The following ACVRL1 variants were observed in gnomAD, a reference collection of about 807,000 sequenced individuals.
The protein encoded by ACVRL1 is activin A receptor like type 1, also known as activin receptor type-1-like.
ACVRL1 carries 20 observed loss-of-function variants against 51.9 expected under a neutral mutation model. The observed-to-expected ratio is 0.39, with a 90% confidence interval of 0.27 to 0.56. The LOEUF is 0.56. ACVRL1 is among the 20% of genes least tolerant of loss of function. The pLI is 0.67. For synonymous variants in ACVRL1, 288 were observed against 280.9 expected, an observed-to-expected ratio of 1.03 and a Z score of -0.25; for missense variants, 451 against 670.3, an observed-to-expected ratio of 0.67 and a Z score of 3.61.
At chr12:51,912,170 C>T (rs577166112) in intron 1 of ACVRL1, among the ~76,000 whole-genome samples, 1 of 152,320 alleles carries the variant, frequency 6.6e-6, no homozygotes, top group East Asian at 1.9e-4. Flanking sequence ...GCGGCTCTCC[C>T]AACCTGCCTG....
At chr12:51,913,055 G>T in intron 2 of ACVRL1, 44 bp from the exon 3 acceptor site, 1 of 1,588,402 alleles carries the variant, frequency 6.3e-7, no homozygotes. Context: ...CTCAGCCTGG[G>T]GGAGCTGGGA....
intron 9 of ACVRL1, among the ~76,000 whole-genome samples, chr12:51,920,456 C>T (rs145506508): frequency 1.3e-5 from 2 of 152,260 alleles, no homozygotes; most frequent in East Asian, 3.9e-4. Flanking sequence ...CTCTTTCTGT[C>T]CGCCCTGTCT....
At chr12:51,916,614 C>G (rs1317009818) in intron 8 of ACVRL1, among the ~76,000 whole-genome samples, 2 of 152,226 alleles carry the variant, frequency 1.3e-5, no homozygotes, top group Non-Finnish European at 2.9e-5. Context: ...AATCAGACTT[C>G]CTGGGTTCTA....
intron 1 of ACVRL1, among the ~76,000 whole-genome samples, chr12:51,908,983 T>C (rs559483971): frequency 1.3e-5 from 2 of 152,274 alleles, no homozygotes; most frequent in South Asian, 2.1e-4. Flanking sequence ...ATAAATCACA[T>C]GGATGAATCG....
At chr12:51,920,029 C>T (rs1940933353) in intron 9 of ACVRL1, among the ~76,000 whole-genome samples, 1 of 152,166 alleles carries the variant, frequency 6.6e-6, no homozygotes, top group Non-Finnish European at 1.5e-5. Context: ...CATAGACATA[C>T]ATTTCTGTAC....
At chr12:51,916,335 A>C in intron 8 of ACVRL1, 102 bp downstream of exon 8, 1 of 1,306,322 alleles carries the variant, frequency 7.7e-7, no homozygotes, top group Non-Finnish European at 1.1e-6. Flanking sequence ...GTTTGCAGTC[A>C]GACCTCCTGG....
rs888084865 is a variant in ACVRL1 at position 51,917,999 on chromosome 12, G to A, written c.1247-986G>A. On this transcript the variant is annotated intron_variant, in intron 8 of 9. Coordinates refer to ENST00000388922, the MANE Select transcript of ACVRL1 (RefSeq NM_000020.3). This position sits in a 1 kb window ranked among gnomAD's most constrained non-coding sequence, Gnocchi z 4.2. Reference sequence around the variant, plus strand: ...TTAGGGCGTGAGCGGCACAGGGGCCGGCCTGGAAGCTGGCCATGGGGAGAA... The same window carrying A: ...TTAGGGCGTGAGCGGCACAGGGGCCAGCCTGGAAGCTGGCCATGGGGAGAA... Among the ~76,000 whole-genome samples the A allele has an allele frequency of 5.9e-5, 9 of 152,358 alleles. No homozygotes were observed. The highest frequency in any genetic ancestry group is 3.4e-3 in the Middle Eastern group (1 of 294).
In ACVRL1 at chr12:51,921,349, A is replaced by G; in HGVS notation, c.*456A>G. 1 of 251,778 alleles carries G rather than the reference A, an allele frequency of 4.0e-6. No individual in the cohort carries two copies. The highest frequency in any genetic ancestry group is 7.9e-6 in the Non-Finnish European group (1 of 126,518). The allele number at this position is 251,778 out of a possible 1,614,324, so 15.6% of individuals were successfully genotyped here. A position where few individuals can be genotyped will look rare whatever the true frequency, so the allele number is the denominator to read the frequency against. On this transcript the variant is annotated 3_prime_UTR_variant, in exon 10 of 10. Coordinates refer to ENST00000388922, the MANE Select transcript of ACVRL1 (RefSeq NM_000020.3). ...GGCACACACTTCCCTGCCAGGCCTC[A>G]GCCTCTAGCATAAGCTCCAGAGAGC...
intron 8 of ACVRL1, among the ~76,000 whole-genome samples, chr12:51,916,702 G>A (rs1246266411): frequency 6.6e-6 from 1 of 152,228 alleles, no homozygotes; most frequent in African/African-American, 2.4e-5. Flanking sequence ...AAATGGGTGC[G>A]ATGGCTCATG....
At chr12:51,919,363 C>CTCTGTG in intron 9 of ACVRL1, 1 of 386,572 alleles carries the variant, frequency 2.6e-6, no homozygotes, top group Non-Finnish European at 4.9e-6. Context: ...ATCTGTGGCT[C>CTCTGTG]TGTGTGTGTG....
chr12:51,910,029 G>T (rs777844107), intron 1 of ACVRL1, among the ~76,000 whole-genome samples: 1 of 152,282 alleles, frequency 6.6e-6, no homozygotes, highest in East Asian at 1.9e-4. Context: ...AGGGTAAATC[G>T]TACAGAGTCA....
intron 1 of ACVRL1, among the ~76,000 whole-genome samples, chr12:51,910,612 T>C (rs1367463621): frequency 5.3e-5 from 8 of 152,126 alleles, no homozygotes. Flanking sequence ...TTAGCCACTT[T>C]TTCCTTTCCA....
chr12:51,912,314 C>T (rs1177846987), intron 1 of ACVRL1, 156 bp from the exon 2 acceptor site: 5 of 777,930 alleles, frequency 6.4e-6, no homozygotes, highest in Non-Finnish European at 1.1e-5. Context: ...CCCCTGCAGG[C>T]CCCGCCCCAA....
Position 51,913,203 on chromosome 12 carries a change from G to A in ACVRL1, c.166G>A (p.Val56Met). ...CRGAWCTVVL[V>M]REEGRHPQEH... ...GGGGGCCTGGTGCACAGTAGTGCTG[G>A]TGCGGGAGGAGGGGAGGCACCCCCA... The change falls in exon 3 of 10, where the codon GTG (valine) becomes ATG (methionine). Residue 56 changes from valine (V) to methionine (M), a missense_variant. Physicochemically the swap from Val to Met is conservative, Grantham distance 21. This residue lies in a region of ACVRL1 where 192 missense variants were observed against 216.9 expected (regional missense o/e 0.89). Transcript: ENST00000388922. 1 of 1,592,994 alleles carries A rather than the reference G, an allele frequency of 6.3e-7. No homozygotes were observed. Among genetic ancestry groups the A allele is most frequent in the Non-Finnish European group, 8.5e-7 (1 of 1,170,840 alleles).
At position 51,922,199 on chromosome 12, in the gene ACVRL1, GAA is replaced by G. The variant is rs1399572114; in HGVS notation, c.*1309_*1310del. 1 of 152,208 alleles carries G rather than the reference GAA, an allele frequency of 6.6e-6. No homozygotes were observed. Among genetic ancestry groups the G allele is most frequent in the African/African-American group, 2.4e-5 (1 of 41,436 alleles). 9.4% of individuals were successfully genotyped at this position (152,208 alleles called of 1,614,324 possible). ...GCAATTTGCCTCAAGATGGGGGTTTGAAAATAACTTTACCTGACTCAAGGAGT... is the reference window on the plus strand; with the variant it reads ...GCAATTTGCCTCAAGATGGGGGTTTGAATAACTTTACCTGACTCAAGGAGT... On this transcript the variant is annotated 3_prime_UTR_variant, in exon 10 of 10. Coordinates refer to ENST00000388922, the MANE Select transcript of ACVRL1 (RefSeq NM_000020.3).
chr12:51,920,931 T>TGGGGGGGGGGGGGGGGGGGGG lies in ACVRL1; in HGVS notation c.*45_*46insGGGGGGGGGGGGGGGGGGGGG. The TGGGGGGGGGGGGGGGGGGGGG allele has an allele frequency of 4.9e-6, 1 of 203,026 alleles. No individual in the cohort carries two copies. Among genetic ancestry groups the TGGGGGGGGGGGGGGGGGGGGG allele is most frequent in the Non-Finnish European group, 9.6e-6 (1 of 104,508 alleles). 12.6% of individuals were successfully genotyped at this position (203,026 alleles called of 1,614,324 possible). On this transcript the variant is annotated 3_prime_UTR_variant, in exon 10 of 10. Transcript: ENST00000388922. ...TGATTCCTTTCTGCCTGCAGGGGGC[T>TGGGGGGGGGGGGGGGGGGGGG]GGGGGGGTGGGGGGCAGTGGATGGT...
Position 51,923,275 on chromosome 12 carries a change from T to TCTC in ACVRL1, c.*2383_*2385dup, listed in dbSNP as rs1411252841. The TCTC allele has an allele frequency of 6.6e-6, 1 of 152,222 alleles. No homozygotes were observed. Among genetic ancestry groups the TCTC allele is most frequent in the Non-Finnish European group, 1.5e-5 (1 of 68,084 alleles). The allele number at this position is 152,222 out of a possible 1,614,324, so 9.4% of individuals were successfully genotyped here. On this transcript the variant is annotated 3_prime_UTR_variant, in exon 10 of 10. Coordinates refer to ENST00000388922, the MANE Select transcript of ACVRL1 (RefSeq NM_000020.3). ...GGTGTTCCAGGGTCGAAATTACACT[T>TCTC]CTCGTACCTGGAGACGCTGTTTGTG...
At position 51,914,009 on chromosome 12, in the gene ACVRL1, C is replaced by A; in HGVS notation, c.561C>A (p.Gly187=). 2 of 1,613,818 alleles carry A rather than the reference C, an allele frequency of 1.2e-6. No individual in the cohort carries two copies. Among genetic ancestry groups the A allele is most frequent in the African/African-American group, 1.3e-5 (1 of 75,032 alleles). ...LLDSDCTTGS[G]SGLPFLVQRT... is the part of the protein sequence containing the mutation. ...ACAGTGACTGCACCACAGGGAGTGG[C>A]TCAGGGCTCCCCTTCCTGGTGCAGA... is the stretch of plus-strand genomic sequence containing the variant. Residue 187 remains glycine, a synonymous_variant, in exon 5 of 10, where the codon GGC becomes GGA. Transcript: ENST00000388922.
At position 51,917,409 on chromosome 12, in the gene ACVRL1, G is replaced by A. The variant is rs935856811; in HGVS notation, c.1246+1176G>A. Among the ~76,000 whole-genome samples the A allele has an allele frequency of 3.9e-5, 6 of 152,348 alleles. No individual in the cohort carries two copies. Among genetic ancestry groups the A allele is most frequent in the Non-Finnish European group, 7.3e-5 (5 of 68,032 alleles). On this transcript the variant is annotated intron_variant, in intron 8 of 9. Transcript: ENST00000388922. This position sits in a 1 kb window ranked among gnomAD's most constrained non-coding sequence, Gnocchi z 4.2. ...GCCCTGGGCAGGCAGCCCTGAGGTC[G>A]ATGTTCTCTCAGCCCTGGAGTGGAC...
Sources: gnomAD v4.1 joint callset for allele counts (sites outside exome capture counted in the v4.1 genomes callset) on GRCh38, gnomAD v4.1.1 for gene constraint, gnomAD v4.1.1 regional missense constraint, Gnocchi (gnomAD v3.1) non-coding constraint, MANE v1.5 for transcripts, NCBI Gene and HGNC (gene_info 2026-07-23, HGNC 2026-07-21) for gene names.